The following ADAMTS17 variants were observed in gnomAD, a reference collection of about 807,000 sequenced individuals.
ADAMTS17 encodes the protein A disintegrin and metalloproteinase with thrombospondin motifs 17.
ADAMTS17 carries 113 observed loss-of-function variants against 141.5 expected under a neutral mutation model. The ratio of observed to expected loss-of-function variants is 0.80; its 90% CI spans 0.69 to 0.93. The LOEUF (loss-of-function observed/expected upper bound fraction) is 0.93. ADAMTS17 is among the 40% of genes least tolerant of loss of function. The pLI is 0.00. For missense variants in ADAMTS17, 1,659 were observed against 1,517.9 expected (o/e 1.09, Z -1.54); for synonymous variants, 768 against 630.6 (o/e 1.22, Z -3.27).
intron 3 of ADAMTS17, among the ~76,000 whole-genome samples, chr15:100,326,446 C>T (rs180788862): frequency 1.3e-5 from 2 of 152,194 alleles, no homozygotes; most frequent in South Asian, 2.1e-4. Context: ...GAGCAAAGAT[C>T]AGCTACAGTT....
chr15:100,080,841 G>A (rs781414739), intron 15 of ADAMTS17, among the ~76,000 whole-genome samples: 1 of 152,184 alleles, frequency 6.6e-6, no homozygotes, highest in East Asian at 1.9e-4. Context: ...GGGGATTGGT[G>A]TATTTCTGGT....
chr15:100,061,729 C>T (rs879835824), intron 15 of ADAMTS17, among the ~76,000 whole-genome samples: 4 of 152,210 alleles, frequency 2.6e-5, no homozygotes, highest in Admixed American at 2.0e-4. Flanking sequence ...AAGCCGGGGT[C>T]GGAAGCCAAG....
Position 100,253,878 on chromosome 15 carries a change from G to C in ADAMTS17, c.1075+258C>G, listed in dbSNP as rs551498391. On this transcript the variant is annotated intron_variant, in intron 7 of 21. Coordinates refer to ENST00000268070, the MANE Select transcript of ADAMTS17 (RefSeq NM_139057.4). Reference sequence around the variant, plus strand: ...CCCCCAACTGCAGACCCCTTGGAACGGCCTGGTGGCTTTTCCCCTTGGTGT... The same window carrying C: ...CCCCCAACTGCAGACCCCTTGGAACCGCCTGGTGGCTTTTCCCCTTGGTGT... Among the ~76,000 whole-genome samples, 8 of 152,188 alleles carry C rather than the reference G, an allele frequency of 5.3e-5. No homozygotes were observed. In the South Asian group the frequency reaches 1.7e-3, roughly 32 times the overall value.
intron 3 of ADAMTS17, among the ~76,000 whole-genome samples, chr15:100,323,079 C>T (rs373397996): frequency 1.4e-3 from 101 of 73,294 alleles, no homozygotes; most frequent in African/African-American, 4.4e-3. Context: ...AGCGAGACTC[C>T]GTCTCAAAAA....
intron 18 of ADAMTS17, among the ~76,000 whole-genome samples, chr15:100,022,879 G>A (rs1180273729): frequency 6.6e-6 from 1 of 152,104 alleles, no homozygotes; most frequent in East Asian, 1.9e-4. Context: ...TTTATTTCTG[G>A]CTGTATGAAG....
At chr15:100,150,710 C>A (rs1428976198) in intron 10 of ADAMTS17, among the ~76,000 whole-genome samples, 2 of 152,126 alleles carry the variant, frequency 1.3e-5, no homozygotes, top group African/African-American at 4.8e-5. Context: ...AGGGCCAGCT[C>A]AGCCTGGCCC....
intron 8 of ADAMTS17, among the ~76,000 whole-genome samples, chr15:100,171,150 G>T (rs1453210031): frequency 6.6e-6 from 1 of 152,078 alleles, no homozygotes; most frequent in East Asian, 1.9e-4. Context: ...CTGCAGGAGG[G>T]GCTGCAGTTG....
intron 8 of ADAMTS17, among the ~76,000 whole-genome samples, chr15:100,194,785 C>T (rs933605798): frequency 4.6e-5 from 7 of 152,196 alleles, no homozygotes; most frequent in African/African-American, 1.4e-4. Flanking sequence ...AACCCTGGGG[C>T]GTGTCATCCC....
intron 7 of ADAMTS17, among the ~76,000 whole-genome samples, chr15:100,240,192 G>A (rs1041033554): frequency 6.6e-6 from 1 of 152,158 alleles, no homozygotes. Flanking sequence ...TGGAGACTGG[G>A]AAGCTGCTGG....
intron 3 of ADAMTS17, among the ~76,000 whole-genome samples, chr15:100,293,149 T>C (rs1295326829): frequency 6.6e-6 from 1 of 151,980 alleles, no homozygotes; most frequent in Non-Finnish European, 1.5e-5. Flanking sequence ...GGTCCCTTGG[T>C]CCAGGGAGAG....
chr15:100,200,284 T>C (rs1340471566), intron 7 of ADAMTS17, among the ~76,000 whole-genome samples: 5 of 152,122 alleles, frequency 3.3e-5, no homozygotes, highest in Non-Finnish European at 5.9e-5. Context: ...GGCAGGTGTT[T>C]TCCAGGGGAA....
chr15:100,165,732 A>G (rs2039923503), intron 8 of ADAMTS17, among the ~76,000 whole-genome samples: 1 of 152,234 alleles, frequency 6.6e-6, no homozygotes, highest in South Asian at 2.1e-4. Flanking sequence ...GAATGATGCC[A>G]TAATGATGGA....
chr15:100,216,769 C>A (rs143776635), intron 7 of ADAMTS17, among the ~76,000 whole-genome samples: 235 of 152,310 alleles, frequency 1.5e-3, no homozygotes, highest in African/African-American at 4.0e-3. Context: ...AACAATTCAC[C>A]CCTGCTCATC....
intron 3 of ADAMTS17, among the ~76,000 whole-genome samples, chr15:100,318,935 A>C (rs1370227971): frequency 6.6e-6 from 1 of 152,248 alleles, no homozygotes; most frequent in Non-Finnish European, 1.5e-5. Flanking sequence ...TCAGGATACC[A>C]GCGGGACATG....
At chr15:100,244,074 C>T (rs1010505226) in intron 7 of ADAMTS17, among the ~76,000 whole-genome samples, 13 of 151,950 alleles carry the variant, frequency 8.6e-5, no homozygotes, top group East Asian at 7.8e-4. Flanking sequence ...ACAGTCATGG[C>T]GGAAGGCAAA....
At chr15:100,287,316 T>C (rs970473436) in intron 3 of ADAMTS17, among the ~76,000 whole-genome samples, 10 of 152,218 alleles carry the variant, frequency 6.6e-5, no homozygotes, top group African/African-American at 2.4e-4. Flanking sequence ...AGACTGGTTC[T>C]CTGAATTAAC....
chr15:100,324,018 T>G (rs1461285070), intron 3 of ADAMTS17, among the ~76,000 whole-genome samples: 1 of 125,354 alleles, frequency 8.0e-6, no homozygotes, highest in Admixed American at 8.9e-5. Context: ...AAACGTTCCT[T>G]TCTCTCAAAA....
intron 18 of ADAMTS17, among the ~76,000 whole-genome samples, chr15:100,026,077 A>G (rs924691628): frequency 3.9e-5 from 6 of 152,302 alleles, no homozygotes; most frequent in African/African-American, 1.4e-4. Flanking sequence ...CTCAGTTATG[A>G]GCCTCCCCCA....
At chr15:100,312,517 C>A (rs1472669656) in intron 3 of ADAMTS17, among the ~76,000 whole-genome samples, 1 of 152,232 alleles carries the variant, frequency 6.6e-6, no homozygotes, top group Non-Finnish European at 1.5e-5. Flanking sequence ...TTTTACAACA[C>A]TAAGTTTGTG....
Sources: gnomAD v4.1 joint callset for allele counts (sites outside exome capture counted in the v4.1 genomes callset) on GRCh38, gnomAD v4.1.1 for gene constraint, MANE v1.5 for transcripts, NCBI Gene and HGNC (gene_info 2026-07-23, HGNC 2026-07-21) for gene names.